The following PDE4D variants were observed in gnomAD, a reference collection of about 807,000 sequenced individuals.
PDE4D encodes the protein 3',5'-cyclic-AMP phosphodiesterase 4D.
In PDE4D, 24 loss-of-function variants were observed where a neutral mutation model predicts 87.4. The ratio of observed to expected loss-of-function variants is 0.27; its 90% CI spans 0.20 to 0.39. The LOEUF (loss-of-function observed/expected upper bound fraction) is 0.39. Ranked by LOEUF, PDE4D falls within the 10% of genes least tolerant of loss-of-function variation. PDE4D has a pLI of 1.00. For missense variants in PDE4D, 714 were observed against 1,041.0 expected (o/e 0.69, Z 4.32); for synonymous variants, 384 against 383.2 (o/e 1.00, Z -0.02).
chr5:60,102,852 T>C (rs904275184), intron 2 of PDE4D, among the ~76,000 whole-genome samples: 9 of 152,118 alleles, frequency 5.9e-5, no homozygotes, highest in African/African-American at 2.2e-4. Flanking sequence ...GATATATTCA[T>C]TGTAAACAGT....
chr5:60,464,183 G>A (rs1385041944), intron 1 of PDE4D, among the ~76,000 whole-genome samples: 1 of 152,056 alleles, frequency 6.6e-6, no homozygotes, highest in Admixed American at 6.6e-5. Flanking sequence ...TGAACCAAGT[G>A]TTTTCAAAGG....
At chr5:60,456,438 T>G (rs991165104) in intron 1 of PDE4D, among the ~76,000 whole-genome samples, 1 of 152,226 alleles carries the variant, frequency 6.6e-6, no homozygotes, top group Admixed American at 6.5e-5. Flanking sequence ...TCTCATTCCA[T>G]GCAGCCAGAC....
chr5:59,872,100 G>A (rs765637082), intron 1 of PDE4D, among the ~76,000 whole-genome samples: 5 of 152,130 alleles, frequency 3.3e-5, no homozygotes, highest in Non-Finnish European at 7.3e-5. Context: ...AGTGAAGGAA[G>A]TCAAGTAGAA....
At chr5:60,027,070 CT>C (rs1022583263) in intron 2 of PDE4D, among the ~76,000 whole-genome samples, 21 of 151,908 alleles carry the variant, frequency 1.4e-4, no homozygotes, top group Non-Finnish European at 2.8e-4. Context: ...TTCCTTCTCT[CT>C]TTTTTTCTTT....
chr5:59,597,467 TCA>T (rs1322404653), intron 1 of PDE4D, among the ~76,000 whole-genome samples: 1 of 152,046 alleles, frequency 6.6e-6, no homozygotes, highest in East Asian at 1.9e-4. Context: ...GAACCCCTTT[TCA>T]CAGTTTTCTT....
intron 2 of PDE4D, among the ~76,000 whole-genome samples, chr5:60,050,103 T>A (rs981053717): frequency 2.6e-5 from 4 of 152,186 alleles, no homozygotes; most frequent in Admixed American, 2.6e-4. Context: ...AAGCGCAGTA[T>A]TCAGGTGGGA....
intron 2 of PDE4D, among the ~76,000 whole-genome samples, chr5:60,072,822 AG>A (rs1438738385): frequency 6.6e-6 from 1 of 151,986 alleles, no homozygotes; most frequent in Non-Finnish European, 1.5e-5. Flanking sequence ...GCCTTATTTC[AG>A]GGCTCTCTAT....
intron 1 of PDE4D, among the ~76,000 whole-genome samples, chr5:59,744,219 A>C (rs1759276212): frequency 6.6e-6 from 1 of 152,134 alleles, no homozygotes; most frequent in African/African-American, 2.4e-5. Context: ...ATGTTAATTC[A>C]TAATGGAGGA....
intron 1 of PDE4D, among the ~76,000 whole-genome samples, chr5:59,535,942 A>G (rs1457678403): frequency 6.6e-6 from 1 of 152,184 alleles, no homozygotes; most frequent in South Asian, 2.1e-4. Context: ...AATGCCTGAA[A>G]AAGATCAGCA....
chr5:59,820,241 C>G (rs1395087729), intron 1 of PDE4D, among the ~76,000 whole-genome samples: 1 of 152,168 alleles, frequency 6.6e-6, no homozygotes, highest in Non-Finnish European at 1.5e-5. Context: ...TCCTCCATTT[C>G]GAACTTCTGC....
intron 5 of PDE4D, among the ~76,000 whole-genome samples, chr5:59,138,152 G>A (rs773721902): frequency 3.0e-4 from 45 of 152,196 alleles, no homozygotes; most frequent in Admixed American, 9.2e-4. Context: ...TTTCAGATTT[G>A]AGAATGGCAT....
upstream of PDE4D, among the ~76,000 whole-genome samples, chr5:59,898,052 T>C (rs1016944483): frequency 6.6e-6 from 1 of 152,224 alleles, no homozygotes; most frequent in African/African-American, 2.4e-5. Flanking sequence ...CGCAGTATAT[T>C]AGGCTGCTTT....
intron 1 of PDE4D, among the ~76,000 whole-genome samples, chr5:60,304,651 C>CAAAAAAA (rs70975379): frequency 2.5e-4 from 15 of 60,046 alleles, no homozygotes; most frequent in African/African-American, 8.6e-4. Context: ...GACTCCGTCT[C>CAAAAAAA]AAAAAAAAAA....
chr5:59,781,721 G>T (rs193154079), intron 1 of PDE4D, among the ~76,000 whole-genome samples: 138 of 141,294 alleles, frequency 9.8e-4, no homozygotes, highest in South Asian at 2.7e-3. Context: ...GGAGGCGGAG[G>T]TTGCAGTGAG....
At chr5:59,113,234 C>A (rs768792820) in intron 5 of PDE4D, among the ~76,000 whole-genome samples, 1 of 152,130 alleles carries the variant, frequency 6.6e-6, no homozygotes, top group Non-Finnish European at 1.5e-5. Context: ...AATAGGGGTA[C>A]AGAAGTAGAA....
At chr5:59,819,245 G>A (rs1769355887) in intron 1 of PDE4D, among the ~76,000 whole-genome samples, 1 of 152,156 alleles carries the variant, frequency 6.6e-6, no homozygotes, top group Non-Finnish European at 1.5e-5. Flanking sequence ...CCTAAGGGTG[G>A]AATCTATGCA....
rs1476981545 is a variant in PDE4D at position 59,311,546 on chromosome 5, A to T, written c.456-95578T>A. ...AAAAAACAGAAAAAGAAAAAAGATGAAGAAGAAGGGACTCTTTCCTCTTCC... is the reference window on the plus strand; with the variant it reads ...AAAAAACAGAAAAAGAAAAAAGATGTAGAAGAAGGGACTCTTTCCTCTTCC... On this transcript the variant is annotated intron_variant, in intron 1 of 14. Coordinates refer to ENST00000340635, the MANE Select transcript of PDE4D (RefSeq NM_001104631.2). 2.0e-5 allele frequency among the ~76,000 whole-genome samples: 3 copies of T among 150,144 alleles called. No individual in the cohort carries two copies. The East Asian group carries it at 5.9e-4, about 29-fold the overall frequency.
At chr5:60,081,299 G>T (rs1298663364) in intron 2 of PDE4D, among the ~76,000 whole-genome samples, 3 of 148,792 alleles carry the variant, frequency 2.0e-5, no homozygotes, top group Non-Finnish European at 3.0e-5. Flanking sequence ...TCTAGCTAGT[G>T]GTCTATCTAT....
chr5:59,595,660 G>C (rs1826568032), intron 1 of PDE4D, among the ~76,000 whole-genome samples: 1 of 152,076 alleles, frequency 6.6e-6, no homozygotes, highest in South Asian at 2.1e-4. Context: ...CAATCAGATG[G>C]GGCTTACAAA....
Sources: allele counts gnomAD v4.1 joint callset (sites outside exome capture counted in the v4.1 genomes callset), GRCh38; gene constraint gnomAD v4.1.1; transcripts MANE v1.5; gene names NCBI Gene and HGNC (gene_info 2026-07-23, HGNC 2026-07-21).